SGK3: variants seen among roughly 807,000 people sequenced by gnomAD.
SGK3 encodes serum/glucocorticoid regulated kinase family member 3.
Under a neutral mutation model 68.5 loss-of-function variants are expected in SGK3, and 47 were observed. The observed-to-expected ratio is 0.69, with a 90% confidence interval of 0.54 to 0.87. SGK3 has a LOEUF of 0.87. Among genes scored for constraint, SGK3 ranks in the 40% least tolerant of loss-of-function variants. The pLI, the probability that SGK3 is intolerant of heterozygous loss-of-function variation, is 0.00. For missense variants in SGK3, 479 were observed against 575.5 expected (o/e 0.83, Z 1.72); for synonymous variants, 181 against 189.1 (o/e 0.96, Z 0.35).
At chr8:66,820,062 C>T (rs184536871) in intron 5 of SGK3, among the ~76,000 whole-genome samples, 5 of 152,206 alleles carry the variant, frequency 3.3e-5, no homozygotes, top group South Asian at 2.1e-4. Flanking sequence ...ATGATCCACC[C>T]GCCTCAGCTT....
At chr8:66,723,152 T>TG (rs1804873849) in intron 1 of SGK3, among the ~76,000 whole-genome samples, 1 of 112,042 alleles carries the variant, frequency 8.9e-6, no homozygotes, top group East Asian at 2.4e-4. Flanking sequence ...TTTTTTTTTT[T>TG]GTAAAAGGGT....
At chr8:66,812,674 C>G (rs1173100496) in intron 4 of SGK3, among the ~76,000 whole-genome samples, 4 of 152,072 alleles carry the variant, frequency 2.6e-5, no homozygotes, top group Non-Finnish European at 5.9e-5. Flanking sequence ...AAATAATACT[C>G]TTAACATCTG....
At chr8:66,836,206 G>A in intron 10 of SGK3, 132 bp downstream of exon 10, 1 of 1,175,040 alleles carries the variant, frequency 8.5e-7, no homozygotes, top group East Asian at 2.4e-5. Flanking sequence ...CAAGGTACTG[G>A]CTGAGTACAG....
Position 66,850,791 on chromosome 8 carries a change from TCTTCGGC to T in SGK3, c.1231-39_1231-33del, listed in dbSNP as rs749785680. 66 of 1,549,484 alleles carry T rather than the reference TCTTCGGC, an allele frequency of 4.3e-5. No individual in the cohort carries two copies. The Admixed American group carries it at 1.2e-3, about 29-fold the overall frequency. ...ATTATGCAGTTAGTACTTAATATAT[TCTTCGGC>T]ATTAGTAAAACAAATTTTTTTTAAT... On this transcript the variant is annotated intron_variant, in intron 15 of 16. Transcript: ENST00000521198.
chr8:66,750,282 C>A (rs979612283), intron 1 of SGK3, among the ~76,000 whole-genome samples: 5 of 152,030 alleles, frequency 3.3e-5, no homozygotes, highest in African/African-American at 1.2e-4. Context: ...ATAATGCCTT[C>A]CTTTCTGGAA....
chr8:66,799,603 C>G (rs1807847503), intron 3 of SGK3, among the ~76,000 whole-genome samples: 1 of 152,158 alleles, frequency 6.6e-6, no homozygotes, highest in Admixed American at 6.5e-5. Flanking sequence ...AGCAATTGTG[C>G]CTCAAATCCC....
chr8:66,831,728 A>T (rs1030944269), intron 8 of SGK3, among the ~76,000 whole-genome samples: 8 of 152,178 alleles, frequency 5.3e-5, no homozygotes, highest in Non-Finnish European at 7.3e-5. Context: ...TGGTTTCAGG[A>T]TATGGAATTA....
intron 10 of SGK3, among the ~76,000 whole-genome samples, chr8:66,838,171 T>A (rs1809615652): frequency 6.6e-6 from 1 of 152,144 alleles, no homozygotes; most frequent in Admixed American, 6.5e-5. Flanking sequence ...GTTCAAGCGA[T>A]TCTCCTGCCT....
At chr8:66,816,356 T>TTTG in intron 5 of SGK3, among the ~76,000 whole-genome samples, 1 of 148,256 alleles carries the variant, frequency 6.7e-6, no homozygotes, top group African/African-American at 2.5e-5. Flanking sequence ...TTTTTTTTTT[T>TTTG]TGTGTGTGAG....
intron 4 of SGK3, among the ~76,000 whole-genome samples, chr8:66,812,737 G>A (rs927977758): frequency 6.6e-6 from 1 of 151,522 alleles, no homozygotes; most frequent in African/African-American, 2.4e-5. Context: ...TCCTATAACA[G>A]CATTATGAGG....
chr8:66,716,580 TG>T (rs1804640140), intron 1 of SGK3, among the ~76,000 whole-genome samples: 1 of 149,316 alleles, frequency 6.7e-6, no homozygotes, highest in Non-Finnish European at 1.5e-5. Context: ...TGGGGGTGAC[TG>T]AAAGAAACAT....
chr8:66,792,588 T>G (rs1022382933), intron 1 of SGK3, among the ~76,000 whole-genome samples: 4 of 152,050 alleles, frequency 2.6e-5, no homozygotes, highest in Non-Finnish European at 5.9e-5. Context: ...CTTTAAAAAG[T>G]ATTATTTAGT....
intron 16 of SGK3, among the ~76,000 whole-genome samples, chr8:66,857,401 C>G (rs1810557117): frequency 6.6e-6 from 1 of 152,034 alleles, no homozygotes; most frequent in Non-Finnish European, 1.5e-5. Flanking sequence ...TTAAGGGTTC[C>G]CTTCCCTGTA....
chr8:66,741,128 A>G (rs1208938970), intron 1 of SGK3, among the ~76,000 whole-genome samples: 3 of 152,172 alleles, frequency 2.0e-5, no homozygotes, highest in African/African-American at 7.2e-5. Context: ...TCTACAGAGT[A>G]AGTCTGGACA....
chr8:66,761,883 G>A (rs1563614286), intron 1 of SGK3, among the ~76,000 whole-genome samples: 1 of 152,114 alleles, frequency 6.6e-6, no homozygotes, highest in Admixed American at 6.5e-5. Context: ...TAAGCCTACT[G>A]CCCCGTTTCA....
intron 1 of SGK3, among the ~76,000 whole-genome samples, chr8:66,717,206 T>C (rs1190362476): frequency 8.2e-6 from 1 of 121,262 alleles, no homozygotes; most frequent in Non-Finnish European, 1.6e-5. Flanking sequence ...ACTCTTTATC[T>C]GAAAAAAAAA....
At chr8:66,817,188 T>C (rs1808623905) in intron 5 of SGK3, among the ~76,000 whole-genome samples, 1 of 151,978 alleles carries the variant, frequency 6.6e-6, no homozygotes, top group Non-Finnish European at 1.5e-5. Context: ...ATCTCAACAC[T>C]TTGGGAGGCC....
chr8:66,744,519 A>ATATT (rs1563605717), intron 1 of SGK3, among the ~76,000 whole-genome samples: 14 of 21,260 alleles, frequency 6.6e-4, no homozygotes, highest in African/African-American at 8.4e-4. Context: ...ATATATATAT[A>ATATT]TTTTTTTTTT....
In SGK3 at chr8:66,847,085, T is replaced by G. The variant is rs1262437654; in HGVS notation, c.1075-108T>G. On this transcript the variant is annotated intron_variant, in intron 14 of 16. Transcript: ENST00000521198. ...GCAGGTGTCTACACGTCCCAAGAGGTCCATACATTTTTTCAACTGACTGCT... is the reference window on the plus strand; with the variant it reads ...GCAGGTGTCTACACGTCCCAAGAGGGCCATACATTTTTTCAACTGACTGCT... 2.7e-6 allele frequency: 4 copies of G among 1,472,542 alleles called. No individual in the cohort carries two copies. The African/African-American group carries it at 5.6e-5, about 21-fold the overall frequency. 91.2% of individuals were successfully genotyped at this position (1,472,542 alleles called of 1,614,324 possible).
Sources: gnomAD v4.1 joint callset for allele counts (sites outside exome capture counted in the v4.1 genomes callset) on GRCh38, gnomAD v4.1.1 for gene constraint, MANE v1.5 for transcripts, NCBI Gene and HGNC (gene_info 2026-07-23, HGNC 2026-07-21) for gene names.